Variants in IL1RAPL2 observed in about 807,000 individuals in gnomAD.
The protein encoded by IL1RAPL2 is X-linked interleukin-1 receptor accessory protein-like 2.
A neutral mutation model predicts 44.1 loss-of-function variants in IL1RAPL2; 3 were observed. The observed-to-expected ratio is 0.07, with a 90% CI of 0.03 to 0.18. The LOEUF is 0.18. Ranked by LOEUF, IL1RAPL2 falls within the 10% of genes least tolerant of loss-of-function variation. The pLI, the probability that IL1RAPL2 is intolerant of heterozygous loss-of-function variation, is 1.00. For synonymous variants in IL1RAPL2, 181 were observed against 178.8 expected (o/e 1.01, Z -0.10); for missense variants, 391 against 496.4 (o/e 0.79, Z 2.02).
intron 2 of IL1RAPL2, among the ~76,000 whole-genome samples, chrX:104,867,922 G>A (rs945005377): frequency 1.8e-5 from 2 of 111,844 alleles, no homozygotes; most frequent in Non-Finnish European, 3.8e-5. Flanking sequence ...TTTGTGGAGA[G>A]GAATGTTAAC....
At chrX:105,427,237 T>G (rs2035817605) in intron 5 of IL1RAPL2, among the ~76,000 whole-genome samples, 1 of 111,622 alleles carries the variant, frequency 9.0e-6, no homozygotes, top group Admixed American at 9.5e-5. Flanking sequence ...TGCAAGCTCC[T>G]GATCAGGCCT....
At chrX:105,728,013 C>G (rs2147562437) in intron 7 of IL1RAPL2, among the ~76,000 whole-genome samples, 1 of 111,190 alleles carries the variant, frequency 9.0e-6, no homozygotes, top group South Asian at 3.8e-4. Context: ...ATCCATGAAC[C>G]TATATTGACA....
intron 4 of IL1RAPL2, among the ~76,000 whole-genome samples, chrX:105,265,095 G>A (rs1324066046): frequency 8.9e-6 from 1 of 111,952 alleles, no homozygotes; most frequent in Non-Finnish European, 1.9e-5. Flanking sequence ...ACAGTGAGCA[G>A]AGAAAATGAA....
intron 6 of IL1RAPL2, among the ~76,000 whole-genome samples, chrX:105,555,478 C>G (rs1838047797): frequency 8.9e-6 from 1 of 111,934 alleles, no homozygotes; most frequent in Non-Finnish European, 1.9e-5. Context: ...TGGTGAGAGT[C>G]CAGTACCAGT....
chrX:105,590,443 G>C (rs987295229), intron 6 of IL1RAPL2, among the ~76,000 whole-genome samples: 1 of 110,691 alleles, frequency 9.0e-6, no homozygotes, highest in Non-Finnish European at 1.9e-5. Context: ...TCCTTGTCTT[G>C]TTCCAGTTCT....
chrX:105,311,664 A>G (rs1314470453), intron 5 of IL1RAPL2, among the ~76,000 whole-genome samples: 1 of 108,944 alleles, frequency 9.2e-6, no homozygotes, highest in Non-Finnish European at 1.9e-5. Flanking sequence ...ATATACACAC[A>G]GACACACATA....
At chrX:104,937,259 T>C (rs1424671637) in intron 2 of IL1RAPL2, among the ~76,000 whole-genome samples, 1 of 112,253 alleles carries the variant, frequency 8.9e-6, no homozygotes, top group Non-Finnish European at 1.9e-5. Context: ...CAAATTTCAG[T>C]GACTTTGCAC....
At chrX:105,751,566 T>C (rs973091888) in intron 9 of IL1RAPL2, among the ~76,000 whole-genome samples, 1 of 111,717 alleles carries the variant, frequency 9.0e-6, no homozygotes, top group African/African-American at 3.3e-5. Flanking sequence ...TTCAAAGGTG[T>C]CCAGTAATAT....
At chrX:105,599,502 G>A (rs1029449795) in intron 6 of IL1RAPL2, among the ~76,000 whole-genome samples, 14 of 111,164 alleles carry the variant, frequency 1.3e-4, no homozygotes, top group Admixed American at 2.9e-4. Flanking sequence ...GACTCAAAGT[G>A]TTACACAAAG....
intron 3 of IL1RAPL2, among the ~76,000 whole-genome samples, chrX:105,212,117 C>T (rs5962475): frequency 0.019 from 2,134 of 111,597 alleles, 51 homozygotes; most frequent in African/African-American, 0.066. Flanking sequence ...AAGACAGAAC[C>T]GCTCACTCCC....
At chrX:105,278,984 C>T (rs1038165188) in intron 5 of IL1RAPL2, among the ~76,000 whole-genome samples, 2 of 111,341 alleles carry the variant, frequency 1.8e-5, no homozygotes, top group African/African-American at 6.5e-5. Flanking sequence ...ATCTTATAAT[C>T]GCCTATTTTT....
intron 2 of IL1RAPL2, among the ~76,000 whole-genome samples, chrX:104,907,536 A>G (rs1185863412): frequency 9.0e-6 from 1 of 111,361 alleles, no homozygotes; most frequent in Non-Finnish European, 1.9e-5. Context: ...GAACACCTTT[A>G]TTTCTGCCTT....
chrX:105,730,467 A>G (rs1328942609), intron 7 of IL1RAPL2, among the ~76,000 whole-genome samples: 1 of 111,479 alleles, frequency 9.0e-6, no homozygotes, highest in Non-Finnish European at 1.9e-5. Context: ...TCTAGACAGA[A>G]AACAACAAAG....
chrX:105,161,583 G>A (rs1193428053), intron 2 of IL1RAPL2, among the ~76,000 whole-genome samples: 1 of 111,201 alleles, frequency 9.0e-6, no homozygotes, highest in Non-Finnish European at 1.9e-5. Context: ...AGACCACATG[G>A]TTTTATTTTA....
At chrX:104,629,118 A>G (rs892822726) in intron 1 of IL1RAPL2, among the ~76,000 whole-genome samples, 1 of 112,163 alleles carries the variant, frequency 8.9e-6, no homozygotes, top group Non-Finnish European at 1.9e-5. Flanking sequence ...CTATAGAAAA[A>G]GGTTTGGAAT....
intron 5 of IL1RAPL2, among the ~76,000 whole-genome samples, chrX:105,412,409 G>A (rs1211557033): frequency 2.8e-5 from 3 of 108,144 alleles, no homozygotes; most frequent in Non-Finnish European, 5.8e-5. Context: ...GTTGGACCTG[G>A]GGGACACTAT....
chrX:105,465,088 G>A (rs2036119006), intron 5 of IL1RAPL2, among the ~76,000 whole-genome samples: 1 of 112,028 alleles, frequency 8.9e-6, no homozygotes. Flanking sequence ...AAGACCTTCT[G>A]TAATGAAGCT....
intron 2 of IL1RAPL2, among the ~76,000 whole-genome samples, chrX:105,106,392 CT>C (rs760409508): frequency 5.6e-4 from 62 of 110,597 alleles, no homozygotes; most frequent in African/African-American, 2.0e-3. Flanking sequence ...GTCATTTTAT[CT>C]TTTTGGACCT....
chrX:105,605,144 G>A lies in IL1RAPL2; in HGVS notation c.773-112223G>A, dbSNP rs778433425. Among the ~76,000 whole-genome samples the A allele has an allele frequency of 1.4e-4, 15 of 110,869 alleles. No homozygotes were observed. The South Asian group carries it at 1.5e-3, about 11-fold the overall frequency. ...AAGAAAGGGCATCCAAATAGGAAAG[G>A]AGCAAAATCAAATTGTACCAGTTTG... On this transcript the variant is annotated intron_variant, in intron 6 of 10. Transcript: ENST00000372582.
Sources: allele counts gnomAD v4.1 joint callset (sites outside exome capture counted in the v4.1 genomes callset), GRCh38; gene constraint gnomAD v4.1.1; transcripts MANE v1.5; gene names NCBI Gene and HGNC (gene_info 2026-07-23, HGNC 2026-07-21).